Variants in HEATR4 observed in about 807,000 individuals in gnomAD.
HEATR4 encodes HEAT repeat containing 4, also known as HEAT repeat-containing protein 4.
A neutral mutation model predicts 108.8 loss-of-function variants in HEATR4; 95 were observed. That is an observed-to-expected ratio of 0.87 (90% CI 0.74 to 1.04). The LOEUF is 1.04. Ranked by LOEUF, HEATR4 falls within the 50% of genes least tolerant of loss-of-function variation. The probability of loss-of-function intolerance (pLI) is 0.00; values close to 1 mark genes in which losing one functional copy is unlikely to be tolerated. For synonymous variants in HEATR4, 443 were observed against 459.4 expected, an observed-to-expected ratio of 0.96 and a Z score of 0.46; for missense variants, 1,152 against 1,253.8, an observed-to-expected ratio of 0.92 and a Z score of 1.23.
the HEATR4 span, among the ~76,000 whole-genome samples, chr14:73,570,578 A>AC: frequency 5.3e-5 from 8 of 151,378 alleles, no homozygotes; most frequent in Admixed American, 3.3e-4. Flanking sequence ...CAAAAAAAAG[A>AC]CATTGTAAGG....
chr14:73,585,093 C>A, the HEATR4 span, among the ~76,000 whole-genome samples: 1 of 152,032 alleles, frequency 6.6e-6, no homozygotes. Flanking sequence ...GCAGCTCCCC[C>A]ACCAGCTCCC....
chr14:73,579,499 C>CGGAA, the HEATR4 span, among the ~76,000 whole-genome samples: 6 of 147,658 alleles, frequency 4.1e-5, no homozygotes, highest in Admixed American at 3.5e-4. Context: ...CACTTGAAAC[C>CGGAA]GGAAGGTGGA....
chr14:73,519,255 C>T (rs1887823503), intron 4 of HEATR4, 92 bp from the exon 5 acceptor site: 2 of 1,358,270 alleles, frequency 1.5e-6, no homozygotes, highest in South Asian at 3.0e-5. Context: ...ACCCAACTTC[C>T]TTTTGCCCTA....
chr14:73,520,929 T>C lies in HEATR4; in HGVS notation c.992A>G (p.Tyr331Cys). 1 of 1,614,016 alleles carries C rather than the reference T, an allele frequency of 6.2e-7. No homozygotes were observed. The highest frequency in any genetic ancestry group is 8.5e-7 in the Non-Finnish European group (1 of 1,180,008). The change falls in exon 4 of 18, where the codon TAC becomes TGC. Residue 331 changes from tyrosine (Y) to cysteine (C), a missense_variant. Tyr to Cys is a radical substitution (Grantham distance 194). Coordinates refer to ENST00000553558, the MANE Select transcript of HEATR4 (RefSeq NM_001220484.1). ...AGCTCGGGGAGTCACCTGGCGAAAGTAGCTCTGGGTTTGGGGCTGGGAGAG... is the reference window on the plus strand; with the variant it reads ...AGCTCGGGGAGTCACCTGGCGAAAGCAGCTCTGGGTTTGGGGCTGGGAGAG... Reference protein sequence around the residue: ...TSLSQPQTQSYFRQVTPRAGK... With the variant: ...TSLSQPQTQSCFRQVTPRAGK...
the HEATR4 span, among the ~76,000 whole-genome samples, chr14:73,584,852 A>G: frequency 1.3e-5 from 2 of 149,568 alleles, no homozygotes. Context: ...TGTCCCAACC[A>G]ATGTCAACCC....
chr14:73,528,392 CAAAAAA>C (rs371875141), intron 2 of HEATR4, among the ~76,000 whole-genome samples: 12,811 of 88,408 alleles, frequency 0.14, 849 homozygotes, highest in Non-Finnish European at 0.19. Flanking sequence ...AACTTCATCT[CAAAAAA>C]AAAAAAAAAA....
chr14:73,594,031 G>A, the HEATR4 span: 1 of 752,714 alleles, frequency 1.3e-6, no homozygotes, highest in East Asian at 2.8e-5. Context: ...AGACTTCCTT[G>A]GCTTAAGGTG....
At chr14:73,576,921 T>A in the HEATR4 span, among the ~76,000 whole-genome samples, 45 of 134,018 alleles carry the variant, frequency 3.4e-4, no homozygotes, top group South Asian at 9.2e-3. Flanking sequence ...AATTTATTAT[T>A]CTTTTCTTTT....
the HEATR4 span, among the ~76,000 whole-genome samples, chr14:73,576,986 A>T: frequency 7.0e-6 from 1 of 143,268 alleles, no homozygotes; most frequent in South Asian, 2.2e-4. Context: ...GCTGGAGTGC[A>T]GTGGCACAGT....
intron 17 of HEATR4, among the ~76,000 whole-genome samples, chr14:73,480,354 T>A (rs1885201255): frequency 6.6e-6 from 1 of 152,096 alleles, no homozygotes; most frequent in African/African-American, 2.4e-5. Context: ...GGCAGAAGAA[T>A]CGCTTGAACC....
intron 17 of HEATR4, chr14:73,491,629 C>T (rs1885751606): frequency 3.9e-6 from 6 of 1,549,636 alleles, no homozygotes; most frequent in Non-Finnish European, 5.2e-6. Flanking sequence ...GAGCGGCCCG[C>T]CTCTTTGAGT....
chr14:73,613,667 A>C, the HEATR4 span, among the ~76,000 whole-genome samples: 3 of 152,180 alleles, frequency 2.0e-5, no homozygotes, highest in African/African-American at 7.2e-5. Context: ...CTGAAGGGAG[A>C]GGTGCTATTG....
chr14:73,574,481 T>A, the HEATR4 span: 1 of 318,938 alleles, frequency 3.1e-6, no homozygotes, highest in Admixed American at 4.8e-5. Context: ...CAGACTGATC[T>A]CAAACTCCTG....
chr14:73,573,715 T>G, the HEATR4 span: 1 of 1,154,134 alleles, frequency 8.7e-7, no homozygotes, highest in African/African-American at 1.5e-5. Context: ...CTACCTTTTT[T>G]AGTCACTTCT....
the HEATR4 span, among the ~76,000 whole-genome samples, chr14:73,599,661 G>A: frequency 2.0e-5 from 3 of 152,136 alleles, no homozygotes; most frequent in Non-Finnish European, 4.4e-5. Context: ...CATGACCTTT[G>A]TTCAGCTTTG....
chr14:73,619,396 C>T, the HEATR4 span: 1 of 1,614,162 alleles, frequency 6.2e-7, no homozygotes, highest in Non-Finnish European at 8.5e-7. Flanking sequence ...TATTCCTAAA[C>T]TTGTCGATGA....
At chr14:73,513,952 C>T (rs1887428760) in intron 6 of HEATR4, 79 bp downstream of exon 6, 1 of 1,441,320 alleles carries the variant, frequency 6.9e-7, no homozygotes, top group East Asian at 2.3e-5. Context: ...ATGGATTTTT[C>T]AAAGACTGAG....
intron 5 of HEATR4, among the ~76,000 whole-genome samples, chr14:73,518,067 C>T (rs762044984): frequency 2.6e-5 from 4 of 152,048 alleles, no homozygotes; most frequent in Non-Finnish European, 1.5e-5. Context: ...GCCTGGGCGA[C>T]AGAGCGAGAC....
the HEATR4 span, chr14:73,569,437 C>T: frequency 6.2e-7 from 1 of 1,613,850 alleles, no homozygotes. Flanking sequence ...ATGGCGGCGA[C>T]GCTGATCCTG....
Sources: allele counts gnomAD v4.1 joint callset (sites outside exome capture counted in the v4.1 genomes callset), GRCh38; gene constraint gnomAD v4.1.1; transcripts MANE v1.5; gene names NCBI Gene and HGNC (gene_info 2026-07-23, HGNC 2026-07-21).